The following TNXB variants were observed in gnomAD, a reference collection of about 807,000 sequenced individuals.
The protein encoded by TNXB is tenascin-X.
Under a neutral mutation model 340.5 loss-of-function variants are expected in TNXB, and 183 were observed. The observed-to-expected ratio is 0.54, with a 90% confidence interval of 0.48 to 0.61. The LOEUF is 0.61. Among genes scored for constraint, TNXB ranks in the 20% least tolerant of loss-of-function variants. TNXB has a pLI of 0.00. For missense variants in TNXB, 4,613 were observed against 5,446.4 expected (o/e 0.85, Z 4.82); for synonymous variants, 2,121 against 2,314.5 (o/e 0.92, Z 2.40).
At position 32,052,606 on chromosome 6, in the gene TNXB, C is replaced by T; in HGVS notation, c.9115+64G>A. 2 of 1,577,924 alleles carry T rather than the reference C, an allele frequency of 1.3e-6. No individual in the cohort carries two copies. Among genetic ancestry groups the T allele is most frequent in the Non-Finnish European group, 1.7e-6 (2 of 1,154,354 alleles). The stretch of plus-strand genomic sequence containing the variant: ...TCTTCAGAGTATGTTTTCACGAAGA[C>T]TGGAGAGACAGCAGTGTCTTCCAGG... On this transcript the variant is annotated intron_variant, in intron 26 of 43. Coordinates refer to ENST00000644971, the MANE Select transcript of TNXB (RefSeq NM_001365276.2). The surrounding 1 kb of genome is among the most constrained non-coding windows in gnomAD (Gnocchi z 4.7).
In TNXB at chr6:32,074,837, C is replaced by T. The variant is rs1778992595; in HGVS notation, c.4376-885G>A. Among the ~76,000 whole-genome samples, 1 of 152,170 alleles carries T rather than the reference C, an allele frequency of 6.6e-6. No homozygotes were observed. The highest frequency in any genetic ancestry group is 1.5e-5 in the Non-Finnish European group (1 of 68,032). ...CTGGGATTACAGGCATGTGCCACCA[C>T]GTCCGGCTAATTTTGTATTTTCAGT... On this transcript the variant is annotated intron_variant, in intron 11 of 43. Transcript: ENST00000644971. This position sits in a 1 kb window ranked among gnomAD's most constrained non-coding sequence, Gnocchi z 5.5.
At chr6:32,086,612 C>T (rs1013953815) in intron 6 of TNXB, among the ~76,000 whole-genome samples, 2 of 152,154 alleles carry the variant, frequency 1.3e-5, no homozygotes, top group African/African-American at 2.4e-5. Flanking sequence ...AGAAGAGGTC[C>T]ACCACCCTCC....
rs752632085 is a variant in TNXB, at chr6:32,050,048, C to A, written c.9389G>T (p.Gly3130Val). 4 of 1,613,812 alleles carry A rather than the reference C, an allele frequency of 2.5e-6. No homozygotes were observed. Among genetic ancestry groups the A allele is most frequent in the Non-Finnish European group, 3.4e-6 (4 of 1,179,894 alleles). ...PDHKYKMNLY[G>V]FHGGQRVGPV... ...GCCTACGCGCTGGCCACCGTGGAAGCCGTACAGGTTCATCTTGTATTTATG... is the reference window on the plus strand; with the variant it reads ...GCCTACGCGCTGGCCACCGTGGAAGACGTACAGGTTCATCTTGTATTTATG... Residue 3130 changes from glycine to valine, a missense_variant, in exon 27 of 44, where the codon GGC becomes GTC. This residue lies in a region of TNXB where 4,327 missense variants were observed against 4,859.4 expected (regional missense o/e 0.89). Transcript: ENST00000644971.
Position 32,101,077 on chromosome 6 carries a change from CAA to C in TNXB, c.-8-2873_-8-2872del, listed in dbSNP as rs35800696. Reference sequence around the variant, plus strand: ...TGAGAGGAAGAGTGAAACTCCATCTCAAAAAAAAAAAAAAAAAAAAAAAAATC... The same window carrying C: ...TGAGAGGAAGAGTGAAACTCCATCTCAAAAAAAAAAAAAAAAAAAAAAATC... On this transcript the variant is annotated intron_variant, in intron 1 of 43. Coordinates refer to ENST00000644971, the MANE Select transcript of TNXB (RefSeq NM_001365276.2). Among the ~76,000 whole-genome samples the C allele has an allele frequency of 0.018, 853 of 46,798 alleles. 9 individuals carry two copies. In the East Asian group the frequency reaches 0.19, roughly 10 times the overall value. The allele number at this position is 46,798 out of a possible 152,430, so 30.7% of individuals were successfully genotyped here. A position where few individuals can be genotyped will look rare whatever the true frequency, so the allele number is the denominator to read the frequency against.
At position 32,088,998 on chromosome 6, in the gene TNXB, G is replaced by T. The variant is rs776947665; in HGVS notation, c.2566C>A (p.Leu856Met). The part of the protein sequence containing the change: ...LRVVAVTPTT[L>M]ELGWLRPQAE... Reference sequence around the variant, plus strand: ...TGGGGACGCAGCCAGCCAAGCTCCAGTGTTGTCGGTGTCACAGCCACCACT... The same window carrying T: ...TGGGGACGCAGCCAGCCAAGCTCCATTGTTGTCGGTGTCACAGCCACCACT... Residue 856 changes from leucine (L) to methionine (M), a missense_variant, in exon 6 of 44, where the codon CTG (leucine) becomes ATG (methionine). Physicochemically the swap from Leu to Met is conservative, Grantham distance 15. Coordinates refer to ENST00000644971, the MANE Select transcript of TNXB (RefSeq NM_001365276.2). 1.2e-6 allele frequency: 2 copies of T among 1,611,096 alleles called. No homozygotes were observed. The highest frequency in any genetic ancestry group is 1.7e-6 in the Non-Finnish European group (2 of 1,178,924).
chr6:32,098,961 T>A (rs1250391493), intron 1 of TNXB, among the ~76,000 whole-genome samples: 1 of 152,222 alleles, frequency 6.6e-6, no homozygotes, highest in Non-Finnish European at 1.5e-5. Context: ...AATATCCTGT[T>A]CCTGTTCTTC....
At position 32,097,098 on chromosome 6, in the gene TNXB, C is replaced by T. The variant is rs768034717; in HGVS notation, c.755G>A (p.Gly252Asp). The T allele has an allele frequency of 1.2e-5, 20 of 1,613,038 alleles. No homozygotes were observed. The Admixed American group carries it at 2.2e-4, about 17-fold the overall frequency. Reference protein sequence around the residue: ...PDCSQRSCPRGCSQRGRCEGG... With the variant: ...PDCSQRSCPRDCSQRGRCEGG... Reference sequence around the variant, plus strand: ...CTCACAGCGTCCCCTCTGGCTGCAACCTCGAGGGCAGGAGCGCTGGCTGCA... The same window carrying T: ...CTCACAGCGTCCCCTCTGGCTGCAATCTCGAGGGCAGGAGCGCTGGCTGCA... Residue 252 changes from glycine to aspartate, a missense_variant, in exon 3 of 44, where the codon GGT (glycine) becomes GAT (aspartate). By Grantham distance (94) the Gly-to-Asp change is moderately conservative. Around this residue, in one of 7 missense-constraint regions of TNXB, gnomAD observed 4,327 missense variants for 4,859.4 expected, o/e 0.89. Transcript: ENST00000644971. This position sits in a 1 kb window ranked among gnomAD's most constrained non-coding sequence, Gnocchi z 5.9.
Position 32,095,964 on chromosome 6 carries a change from C to G in TNXB, c.1889G>C (p.Arg630Pro). The change falls in exon 3 of 44, where the codon CGC (arginine) becomes CCC (proline). Residue 630 changes from arginine (R) to proline (P), a missense_variant. Arg to Pro is a moderately radical substitution (Grantham distance 103). Around this residue, in one of 7 missense-constraint regions of TNXB, gnomAD observed 4,327 missense variants for 4,859.4 expected, o/e 0.89. Transcript: ENST00000644971. ...TCPSNCHGRG[R>P]CEEGRCLCDP... ...GCACAGGCAGCGCCCTTCCTCACAG[C>G]GGCCCCTCCCGTGGCAGTTGGAGGG... The G allele has an allele frequency of 6.2e-7, 1 of 1,613,146 alleles. No individual in the cohort carries two copies. The highest frequency in any genetic ancestry group is 2.2e-5 in the East Asian group (1 of 44,874).
rs551581511 is a variant in TNXB, at chr6:32,061,773, C to A, written c.7169-53G>T. 2.5e-6 allele frequency: 4 copies of A among 1,582,570 alleles called. No individual in the cohort carries two copies. The African/African-American group carries it at 4.1e-5, about 16-fold the overall frequency. On this transcript the variant is annotated intron_variant, in intron 20 of 43. Coordinates refer to ENST00000644971, the MANE Select transcript of TNXB (RefSeq NM_001365276.2). This position sits in a 1 kb window ranked among gnomAD's most constrained non-coding sequence, Gnocchi z 4.4. ...GCAGGGTCCCTGGGGGATGTGCTTA[C>A]GTCGTGGGGAAAAGGAGGGAGAAGG...
chr6:32,096,282 C>T lies in TNXB; in HGVS notation c.1571G>A (p.Gly524Glu). Residue 524 changes from glycine (G) to glutamate (E), a missense_variant, in exon 3 of 44, where the codon GGG becomes GAG. By Grantham distance (98) the Gly-to-Glu change is moderately conservative. This residue lies in a region of TNXB where 4,327 missense variants were observed against 4,859.4 expected (regional missense o/e 0.89). Coordinates refer to ENST00000644971, the MANE Select transcript of TNXB (RefSeq NM_001365276.2). Reference sequence around the variant, plus strand: ...GCAGTCCCCGGGACAGCGACGGCTCCCACAGTCCTCACCGGTGAAGCCCGG... The same window carrying T: ...GCAGTCCCCGGGACAGCGACGGCTCTCACAGTCCTCACCGGTGAAGCCCGG... ...CNPGFTGEDC[G>E]SRRCPGDCRG... The T allele has an allele frequency of 1.3e-6, 2 of 1,557,726 alleles. No homozygotes were observed. The highest frequency in any genetic ancestry group is 1.7e-6 in the Non-Finnish European group (2 of 1,155,892).
intron 6 of TNXB, 119 bp from the exon 7 acceptor site, chr6:32,086,237 T>G: frequency 1.6e-6 from 2 of 1,230,426 alleles, no homozygotes; most frequent in Non-Finnish European, 1.1e-6. Context: ...CTACTTCTGG[T>G]TCCCTCACCT....
Position 32,087,468 on chromosome 6 carries a change from G to A in TNXB, c.2779+1317C>T, listed in dbSNP as rs940402964. The A allele has an allele frequency of 4.1e-6, 2 of 490,796 alleles. No homozygotes were observed. The highest frequency in any genetic ancestry group is 1.2e-4 in the East Asian group (2 of 16,808). The allele number at this position is 490,796 out of a possible 1,614,324, so 30.4% of individuals were successfully genotyped here. A position where few individuals can be genotyped will look rare whatever the true frequency, so the allele number is the denominator to read the frequency against. On this transcript the variant is annotated intron_variant, in intron 6 of 43. Transcript: ENST00000644971. The surrounding 1 kb of genome is among the most constrained non-coding windows in gnomAD (Gnocchi z 9.0). ...GGCCGCGGAGCCCGTCGAGAGACAC[G>A]AGAAGCGCGCCATCGGCGGAACTGC...
rs747041616 is a variant in TNXB at position 32,089,342 on chromosome 6, G to A, written c.2396C>T (p.Pro799Leu). The A allele has an allele frequency of 6.2e-7, 1 of 1,608,438 alleles. No homozygotes were observed. The highest frequency in any genetic ancestry group is 8.5e-7 in the Non-Finnish European group (1 of 1,178,294). The change falls in exon 5 of 44, where the codon CCA becomes CTA. Residue 799 changes from proline (P) to leucine (L), a missense_variant. Around this residue, in one of 7 missense-constraint regions of TNXB, gnomAD observed 4,327 missense variants for 4,859.4 expected, o/e 0.89. Transcript: ENST00000644971. The surrounding 1 kb of genome is among the most constrained non-coding windows in gnomAD (Gnocchi z 6.2). The stretch of plus-strand genomic sequence containing the variant: ...CTGGTCATAGGCTGAGGCAGAGCTT[G>A]GAACCCGTGCTGTGAATGGGGGGCT... ...GASPPFTARV[P>L]SSASAYDQRG...
At chr6:32,106,642 CAG>C (rs1562890135) in intron 1 of TNXB, among the ~76,000 whole-genome samples, 1 of 152,214 alleles carries the variant, frequency 6.6e-6, no homozygotes, top group Non-Finnish European at 1.5e-5. Context: ...TGAACAGGGA[CAG>C]AGTGTTTCCA....
Position 32,055,883 on chromosome 6 carries a change from C to A in TNXB, c.8435G>T (p.Arg2812Leu), listed in dbSNP as rs199967634. 9 of 1,612,738 alleles carry A rather than the reference C, an allele frequency of 5.6e-6. No homozygotes were observed. The highest frequency in any genetic ancestry group is 1.6e-4 in the Middle Eastern group (1 of 6,078). Residue 2812 changes from arginine to leucine, a missense_variant, in exon 24 of 44, where the codon CGT (arginine) becomes CTT (leucine). By Grantham distance (102) the Arg-to-Leu change is moderately radical. Coordinates refer to ENST00000644971, the MANE Select transcript of TNXB (RefSeq NM_001365276.2). ...ACCCACGGTGGACACCGGGCCCACACGCCGCCCCTCGTGGAGGCCGTACAG... is the reference window on the plus strand; with the variant it reads ...ACCCACGGTGGACACCGGGCCCACAAGCCGCCCCTCGTGGAGGCCGTACAG... ...MHLYGLHEGR[R>L]VGPVSTVGVT...
chr6:32,078,265 C>A (rs1363934837), intron 11 of TNXB, among the ~76,000 whole-genome samples: 1 of 151,340 alleles, frequency 6.6e-6, no homozygotes, highest in Non-Finnish European at 1.5e-5. Flanking sequence ...CTGGCCAACA[C>A]GGTGAACCCC....
In TNXB at chr6:32,069,600, A is replaced by T; in HGVS notation, c.5540T>A (p.Leu1847Gln). The change falls in exon 15 of 44, where the codon CTG (leucine) becomes CAG (glutamine). Residue 1847 changes from leucine (L) to glutamine (Q), a missense_variant. Transcript: ENST00000644971. This position sits in a 1 kb window ranked among gnomAD's most constrained non-coding sequence, Gnocchi z 6.2. ...AHRYKLLLYG[L>Q]HHGKRVGPIS... ...GGGGCCCACACGCTTGCCGTGGTGC[A>T]GCCCGTAGAGCAGCAGCTTGTACCT... is the stretch of plus-strand genomic sequence containing the variant. 6.3e-7 allele frequency: 1 copy of T among 1,599,836 alleles called. No homozygotes were observed. The highest frequency in any genetic ancestry group is 8.5e-7 in the Non-Finnish European group (1 of 1,170,836).
rs1779927189 is a variant in TNXB at position 32,088,664 on chromosome 6, G to A, written c.2779+121C>T. The A allele has an allele frequency of 3.6e-6, 5 of 1,404,656 alleles. No homozygotes were observed. In the East Asian group the frequency reaches 7.5e-5, roughly 21 times the overall value. 87.0% of individuals were successfully genotyped at this position (1,404,656 alleles called of 1,614,324 possible). ...GCAAGGCCCCCAGCAGGTGCCTCGAGACTGCCACACACCTGCCAGAAGCAT... is the reference window on the plus strand; with the variant it reads ...GCAAGGCCCCCAGCAGGTGCCTCGAAACTGCCACACACCTGCCAGAAGCAT... On this transcript the variant is annotated intron_variant, in intron 6 of 43. Transcript: ENST00000644971.
chr6:32,059,963 GA>G (rs1303248319), intron 21 of TNXB, among the ~76,000 whole-genome samples: 1 of 151,996 alleles, frequency 6.6e-6, no homozygotes, highest in Non-Finnish European at 1.5e-5. Context: ...TGAGCATTTG[GA>G]ATTCAATTAA....
Sources: gnomAD v4.1 joint callset for allele counts (sites outside exome capture counted in the v4.1 genomes callset) on GRCh38, gnomAD v4.1.1 for gene constraint, gnomAD v4.1.1 regional missense constraint, Gnocchi (gnomAD v3.1) non-coding constraint, MANE v1.5 for transcripts, NCBI Gene and HGNC (gene_info 2026-07-23, HGNC 2026-07-21) for gene names.